DPP10: variants seen among roughly 807,000 people sequenced by gnomAD.
DPP10 encodes inactive dipeptidyl peptidase 10.
In DPP10, 33 loss-of-function variants were observed where a neutral mutation model predicts 120.9. The ratio of observed to expected loss-of-function variants is 0.27; its 90% CI spans 0.21 to 0.37. The LOEUF (loss-of-function observed/expected upper bound fraction) is 0.37, where lower values mean the gene tolerates loss of function less well. DPP10 is among the 10% of genes least tolerant of loss of function. DPP10 has a pLI of 1.00. For missense variants in DPP10, 816 were observed against 942.8 expected, an observed-to-expected ratio of 0.87 and a Z score of 1.76; for synonymous variants, 337 against 326.1, an observed-to-expected ratio of 1.03 and a Z score of -0.36.
intron 5 of DPP10, among the ~76,000 whole-genome samples, chr2:115,597,942 A>G (rs918983981): frequency 2.0e-5 from 3 of 151,988 alleles, no homozygotes; most frequent in African/African-American, 7.2e-5. Flanking sequence ...AAAATTCTAA[A>G]CTTCAGTTAT....
intron 1 of DPP10, among the ~76,000 whole-genome samples, chr2:114,529,250 A>G (rs755617772): frequency 5.9e-5 from 9 of 151,948 alleles, no homozygotes; most frequent in East Asian, 1.9e-4. Flanking sequence ...CCTTTGCTAC[A>G]TTTTCTTTAG....
intron 1 of DPP10, among the ~76,000 whole-genome samples, chr2:114,484,937 GA>G (rs1055456258): frequency 4.7e-5 from 7 of 149,798 alleles, no homozygotes; most frequent in African/African-American, 2.4e-5. Flanking sequence ...CTGCTTCTAA[GA>G]TTTTTTTTTT....
intron 3 of DPP10, among the ~76,000 whole-genome samples, chr2:115,364,141 A>T (rs1477077739): frequency 2.0e-5 from 3 of 152,084 alleles, no homozygotes; most frequent in Non-Finnish European, 4.4e-5. Flanking sequence ...AGAGAATAAA[A>T]GATCTGCTTT....
intron 3 of DPP10, among the ~76,000 whole-genome samples, chr2:115,485,218 C>T (rs1255029083): frequency 1.5e-5 from 2 of 137,618 alleles, no homozygotes. Flanking sequence ...GAATTTTTCT[C>T]ATAAACTTTA....
intron 1 of DPP10, among the ~76,000 whole-genome samples, chr2:114,497,324 C>CACAT (rs1558814217): frequency 9.6e-5 from 2 of 20,782 alleles, no homozygotes; most frequent in African/African-American, 2.7e-4. Flanking sequence ...TACATGTATA[C>CACAT]GTGTATACAT....
chr2:115,469,446 T>A (rs1233642405), intron 3 of DPP10, among the ~76,000 whole-genome samples: 1 of 152,208 alleles, frequency 6.6e-6, no homozygotes, highest in Non-Finnish European at 1.5e-5. Context: ...CTATAATCAG[T>A]TTTAAAGTTC....
chr2:114,682,475 A>G (rs779889115), intron 1 of DPP10, among the ~76,000 whole-genome samples: 2 of 151,908 alleles, frequency 1.3e-5, no homozygotes, highest in Non-Finnish European at 2.9e-5. Context: ...GTCACTGACA[A>G]CTAATGAACT....
chr2:114,950,124 T>G (rs1034737332), intron 1 of DPP10, among the ~76,000 whole-genome samples: 2 of 152,190 alleles, frequency 1.3e-5, no homozygotes, highest in African/African-American at 4.8e-5. Flanking sequence ...CTTTCCTAAC[T>G]AGCTATAACT....
At chr2:115,481,172 A>G (rs4530380) in intron 3 of DPP10, among the ~76,000 whole-genome samples, 125,789 of 152,030 alleles carry the variant, frequency 0.83, 55,110 homozygotes, top group Non-Finnish European at 0.97. Context: ...ATTTGCCTCC[A>G]GTAATTCAAG....
intron 3 of DPP10, among the ~76,000 whole-genome samples, chr2:115,389,543 T>C (rs1029153627): frequency 1.3e-5 from 2 of 152,188 alleles, no homozygotes; most frequent in East Asian, 3.9e-4. Context: ...AAGTAACCGA[T>C]GTAATGAACT....
At chr2:114,831,864 A>ATATATATATAATATATATG (rs1226627855) in intron 1 of DPP10, among the ~76,000 whole-genome samples, 5 of 145,896 alleles carry the variant, frequency 3.4e-5, no homozygotes, top group Non-Finnish European at 6.0e-5. Context: ...AAAAATATAT[A>ATATATATATAATATATATG]TATATATAAT....
chr2:115,116,253 A>T (rs936776344), intron 1 of DPP10, among the ~76,000 whole-genome samples: 7 of 152,178 alleles, frequency 4.6e-5, no homozygotes, highest in Non-Finnish European at 8.8e-5. Context: ...TTATTGGATG[A>T]AACCAAGTTT....
intron 1 of DPP10, among the ~76,000 whole-genome samples, chr2:114,904,313 GTGAGAC>G (rs1324036163): frequency 1.3e-5 from 2 of 152,198 alleles, no homozygotes; most frequent in Non-Finnish European, 2.9e-5. Flanking sequence ...ATGACAAAAA[GTGAGAC>G]TTGTTATAAA....
chr2:114,756,906 G>A (rs79168859), intron 1 of DPP10, among the ~76,000 whole-genome samples: 16 of 152,186 alleles, frequency 1.1e-4, no homozygotes, highest in South Asian at 2.1e-4. Context: ...AGGAAGCCCC[G>A]TTGAGGTATT....
chr2:114,927,726 A>G (rs1695742493), intron 1 of DPP10, among the ~76,000 whole-genome samples: 1 of 152,204 alleles, frequency 6.6e-6, no homozygotes, highest in South Asian at 2.1e-4. Context: ...ATAAAGGAGT[A>G]TCTGAAGTTG....
chr2:114,691,318 G>T (rs1329036416), intron 1 of DPP10, among the ~76,000 whole-genome samples: 1 of 151,886 alleles, frequency 6.6e-6, no homozygotes, highest in Admixed American at 6.6e-5. Flanking sequence ...GTCTGTTGAG[G>T]TAATCATGTG....
chr2:115,485,255 AAC>A lies in DPP10; in HGVS notation c.272-14253_272-14252del, dbSNP rs1165811302. 7.7e-4 allele frequency among the ~76,000 whole-genome samples: 111 copies of A among 143,566 alleles called. 1 individual carries two copies. In the East Asian group the frequency reaches 0.015, roughly 19 times the overall value. The allele number at this position is 143,566 out of a possible 152,430, so 94.2% of individuals were successfully genotyped here. ...CACTGTTCCAAAAAAAAAAAAAAAA[AAC>A]AAACAAAAACCTTAAAGCCTACATA... On this transcript the variant is annotated intron_variant, in intron 3 of 25. Coordinates refer to ENST00000410059, the MANE Select transcript of DPP10 (RefSeq NM_020868.6).
chr2:114,545,425 C>T (rs1687312670), intron 1 of DPP10, among the ~76,000 whole-genome samples: 1 of 152,184 alleles, frequency 6.6e-6, no homozygotes. Flanking sequence ...TTCCTTACCT[C>T]TTAGCATTCC....
intron 8 of DPP10, among the ~76,000 whole-genome samples, chr2:115,732,796 G>A (rs1320144777): frequency 6.6e-6 from 1 of 152,076 alleles, no homozygotes; most frequent in African/African-American, 2.4e-5. Context: ...TTAGAACCTT[G>A]TATATTTAAG....
Sources: allele counts gnomAD v4.1 joint callset (sites outside exome capture counted in the v4.1 genomes callset), GRCh38; gene constraint gnomAD v4.1.1; transcripts MANE v1.5; gene names NCBI Gene and HGNC (gene_info 2026-07-23, HGNC 2026-07-21).